The following BBX variants were observed in gnomAD, a reference collection of about 807,000 sequenced individuals.
BBX encodes HMG box transcription factor BBX.
Under a neutral mutation model 100.2 loss-of-function variants are expected in BBX, and 30 were observed. The ratio of observed to expected loss-of-function variants is 0.30; its 90% CI spans 0.22 to 0.41. BBX has a LOEUF of 0.41. Among genes scored for constraint, BBX ranks in the 10% least tolerant of loss-of-function variants. BBX has a pLI of 1.00. For synonymous variants in BBX, 376 were observed against 388.1 expected, an observed-to-expected ratio of 0.97 and a Z score of 0.37; for missense variants, 1,023 against 1,129.8, an observed-to-expected ratio of 0.91 and a Z score of 1.35.
chr3:107,769,544 G>T (rs1156323147), intron 10 of BBX, among the ~76,000 whole-genome samples: 1 of 152,102 alleles, frequency 6.6e-6, no homozygotes, highest in Admixed American at 6.6e-5. Context: ...ATCTAGGTAA[G>T]AGGGACCCAA....
intron 3 of BBX, among the ~76,000 whole-genome samples, chr3:107,689,979 T>C (rs1252315987): frequency 6.6e-6 from 1 of 152,170 alleles, no homozygotes; most frequent in Non-Finnish European, 1.5e-5. Flanking sequence ...TTTGTAATAA[T>C]AAATGTGTGC....
intron 2 of BBX, among the ~76,000 whole-genome samples, chr3:107,542,957 C>T (rs1456760378): frequency 6.6e-6 from 1 of 152,172 alleles, no homozygotes; most frequent in Non-Finnish European, 1.5e-5. Context: ...TGTGTTTCTG[C>T]ATTGTTAAGC....
At chr3:107,534,769 G>A (rs1026900584) in intron 2 of BBX, among the ~76,000 whole-genome samples, 1 of 152,148 alleles carries the variant, frequency 6.6e-6, no homozygotes, top group Non-Finnish European at 1.5e-5. Context: ...CTTTATCAGG[G>A]CTCTGTGAAA....
chr3:107,767,263 GGGAGACACTGGCA>G (rs1481651592), intron 10 of BBX, among the ~76,000 whole-genome samples: 1 of 152,070 alleles, frequency 6.6e-6, no homozygotes, highest in Non-Finnish European at 1.5e-5. Context: ...TTCTACTAAT[GGGAGACACTGGCA>G]GGAGACTGGG....
intron 9 of BBX, among the ~76,000 whole-genome samples, chr3:107,751,852 T>C (rs2107652365): frequency 6.6e-6 from 1 of 152,330 alleles, no homozygotes; most frequent in African/African-American, 2.4e-5. Context: ...ATCTACTCTG[T>C]GTTTCCAGGC....
chr3:107,633,505 A>G (rs992714515), intron 2 of BBX, among the ~76,000 whole-genome samples: 3 of 152,244 alleles, frequency 2.0e-5, no homozygotes, highest in South Asian at 4.1e-4. Context: ...AAAGGGATAG[A>G]GCTGTCATCT....
intron 3 of BBX, among the ~76,000 whole-genome samples, chr3:107,708,545 G>A (rs962686601): frequency 2.0e-5 from 3 of 151,860 alleles, no homozygotes; most frequent in African/African-American, 7.3e-5. Flanking sequence ...GTGGTGGCGG[G>A]CGCCCGTAGT....
chr3:107,729,219 C>G (rs2063159637), intron 6 of BBX, among the ~76,000 whole-genome samples: 2 of 152,104 alleles, frequency 1.3e-5, no homozygotes, highest in South Asian at 4.2e-4. Context: ...AAGTAGACAG[C>G]AACATGGAGA....
In BBX at chr3:107,809,907, G is replaced by A. The variant is rs2071222498; in HGVS notation, c.*4450G>A. 4 of 152,140 alleles carry A rather than the reference G, an allele frequency of 2.6e-5. No individual in the cohort carries two copies. Among genetic ancestry groups the A allele is most frequent in the Admixed American group, 2.6e-4 (4 of 15,280 alleles). The allele number at this position is 152,140 out of a possible 1,614,324, so 9.4% of individuals were successfully genotyped here. A position where few individuals can be genotyped will look rare whatever the true frequency, so the allele number is the denominator to read the frequency against. On this transcript the variant is annotated 3_prime_UTR_variant, in exon 18 of 18. Transcript: ENST00000325805. ...GGATTTTTAAAAATTATCTTATTTA[G>A]ATTGACTAACAGCATACTTACAATT...
intron 2 of BBX, among the ~76,000 whole-genome samples, chr3:107,592,169 A>C (rs1459810562): frequency 6.6e-6 from 1 of 151,996 alleles, no homozygotes; most frequent in Non-Finnish European, 1.5e-5. Flanking sequence ...TAATCTACTT[A>C]CTGTTCCTAT....
chr3:107,789,745 C>T, intron 13 of BBX, 42 bp from the exon 14 acceptor site: 1 of 1,290,488 alleles, frequency 7.7e-7, no homozygotes, highest in Non-Finnish European at 1.1e-6. Flanking sequence ...TTTTATGAAA[C>T]ATTGTGAATT....
intron 15 of BBX, 93 bp from the exon 16 acceptor site, chr3:107,798,430 G>C: frequency 8.2e-7 from 1 of 1,215,146 alleles, no homozygotes; most frequent in Non-Finnish European, 1.2e-6. Context: ...TCTCCATTCA[G>C]ACGGGTCAGA....
At chr3:107,539,591 T>C (rs1354833894) in intron 2 of BBX, among the ~76,000 whole-genome samples, 2 of 152,206 alleles carry the variant, frequency 1.3e-5, no homozygotes, top group African/African-American at 4.8e-5. Context: ...TTCCAGACTT[T>C]TAAAATGCTA....
chr3:107,623,463 C>G (rs868194862), intron 2 of BBX, among the ~76,000 whole-genome samples: 1 of 152,124 alleles, frequency 6.6e-6, no homozygotes, highest in Non-Finnish European at 1.5e-5. Context: ...TTTTAGCTGC[C>G]ACATGCATCT....
intron 7 of BBX, among the ~76,000 whole-genome samples, chr3:107,735,689 T>C (rs1173993576): frequency 1.3e-5 from 2 of 151,980 alleles, no homozygotes; most frequent in African/African-American, 4.8e-5. Flanking sequence ...AGTCCCAGAT[T>C]AAAAGCCTAT....
intron 2 of BBX, among the ~76,000 whole-genome samples, chr3:107,588,249 T>C (rs2107581285): frequency 6.6e-6 from 1 of 151,746 alleles, no homozygotes; most frequent in East Asian, 1.9e-4. Context: ...AGGTCTTAGA[T>C]GATGGTTAGG....
chr3:107,732,202 G>A (rs1266471581), intron 6 of BBX, among the ~76,000 whole-genome samples: 1 of 152,128 alleles, frequency 6.6e-6, no homozygotes. Context: ...ACAGGCATGA[G>A]CCACTGTTCC....
At chr3:107,760,103 A>G (rs1474576429) in intron 10 of BBX, among the ~76,000 whole-genome samples, 1 of 152,234 alleles carries the variant, frequency 6.6e-6, no homozygotes, top group African/African-American at 2.4e-5. Context: ...TATAGAAGTT[A>G]TATAACTTGT....
chr3:107,716,682 G>T lies in BBX; in HGVS notation c.238G>T (p.Ala80Ser). The change falls in exon 5 of 18, where the codon GCC becomes TCC. Residue 80 changes from alanine (A) to serine (S), a missense_variant. Ala to Ser is a moderately conservative substitution (Grantham distance 99). Coordinates refer to ENST00000325805, the MANE Select transcript of BBX (RefSeq NM_001142568.3). ...AGATGATGAATCACCAGAGCAGCGA[G>T]CCCGGAGACCAATGAATGCATTTCT... ...TEDDESPEQR[A>S]RRPMNAFLLF... is the part of the protein sequence containing the mutation. 6.2e-7 allele frequency: 1 copy of T among 1,613,834 alleles called. No individual in the cohort carries two copies. Among genetic ancestry groups the T allele is most frequent in the East Asian group, 2.2e-5 (1 of 44,876 alleles).
Sources: gnomAD v4.1 joint callset for allele counts (sites outside exome capture counted in the v4.1 genomes callset) on GRCh38, gnomAD v4.1.1 for gene constraint, MANE v1.5 for transcripts, NCBI Gene and HGNC (gene_info 2026-07-23, HGNC 2026-07-21) for gene names.